The following CRB2 variants were observed in gnomAD, a reference collection of about 807,000 sequenced individuals.
The protein encoded by CRB2 is crumbs cell polarity complex component 2, also known as protein crumbs homolog 2.
CRB2 carries 85 observed loss-of-function variants against 110.9 expected under a neutral mutation model. The observed-to-expected ratio is 0.77, with a 90% CI of 0.64 to 0.92. The LOEUF is 0.92. Among genes scored for constraint, CRB2 ranks in the 40% least tolerant of loss-of-function variants. The pLI, the probability that CRB2 is intolerant of heterozygous loss-of-function variation, is 0.00. For missense variants in CRB2, 1,843 were observed against 1,851.3 expected (o/e 1.00, Z 0.08); for synonymous variants, 907 against 831.0 (o/e 1.09, Z -1.57).
In CRB2 at chr9:123,370,475, G is replaced by T. The variant is rs772240881; in HGVS notation, c.1422G>T (p.Leu474Phe). Residue 474 changes from leucine to phenylalanine, a missense_variant, in exon 7 of 13, where the codon TTG (leucine) becomes TTT (phenylalanine). Physicochemically the swap from Leu to Phe is conservative, Grantham distance 22 (BLOSUM62 0). Transcript: ENST00000373631. ...RFRTTLPAGTLATRNDTKESL... is the reference protein window; with the variant it reads ...RFRTTLPAGTFATRNDTKESL... ...GCACCACACTGCCCGCTGGGACCTTGGCCACTCGCAATGACACCAAGGAAA... is the reference window on the plus strand; with the variant it reads ...GCACCACACTGCCCGCTGGGACCTTTGCCACTCGCAATGACACCAAGGAAA... 3 of 1,613,464 alleles carry T rather than the reference G, an allele frequency of 1.9e-6. No individual in the cohort carries two copies. The Admixed American group carries it at 5.0e-5, about 27-fold the overall frequency.
Position 123,373,490 on chromosome 9 carries a change from C to G in CRB2, c.2959C>G (p.Arg987Gly). ...TGGTGCCGCCACCCCGGTGGCGCTG[C>G]GCGGCCTGGCCAGTGACCTGGGCTT... is the stretch of plus-strand genomic sequence containing the variant. The part of the protein sequence containing the change: ...LDGAATPVAL[R>G]GLASDLGFLQ... The change falls in exon 10 of 13, where the codon CGC becomes GGC. Residue 987 changes from arginine (R) to glycine (G), a missense_variant. Arg to Gly is a moderately radical substitution (Grantham distance 125). Transcript: ENST00000373631. The G allele has an allele frequency of 1.4e-6, 2 of 1,450,990 alleles. No homozygotes were observed. The highest frequency in any genetic ancestry group is 1.8e-6 in the Non-Finnish European group (2 of 1,111,614). 89.9% of individuals were successfully genotyped at this position (1,450,990 alleles called of 1,614,324 possible).
At chr9:123,359,853 AT>A (rs1368679900) in intron 1 of CRB2, among the ~76,000 whole-genome samples, 2 of 152,082 alleles carry the variant, frequency 1.3e-5, no homozygotes, top group Non-Finnish European at 1.5e-5. Flanking sequence ...ACACAGTGGG[AT>A]TACTGACAGC....
intron 11 of CRB2, among the ~76,000 whole-genome samples, 170 bp from the exon 12 acceptor site, chr9:123,375,047 G>A (rs772755327): frequency 3.2e-4 from 49 of 152,180 alleles, no homozygotes; most frequent in African/African-American, 9.2e-4. Context: ...TCTCAGTGAC[G>A]GCTGCTCAGG....
At chr9:123,369,829 A>C (rs994741214) in intron 6 of CRB2, among the ~76,000 whole-genome samples, 8 of 152,124 alleles carry the variant, frequency 5.3e-5, no homozygotes, top group Non-Finnish European at 1.0e-4. Flanking sequence ...TAGCCCAGAC[A>C]GCTGGTAAGG....
Position 123,362,853 on chromosome 9 carries a change from T to C in CRB2, c.95-12T>C. 1 of 1,560,120 alleles carries C rather than the reference T, an allele frequency of 6.4e-7. No individual in the cohort carries two copies. Among genetic ancestry groups the C allele is most frequent in the Non-Finnish European group, 8.7e-7 (1 of 1,146,540 alleles). On this transcript the variant is annotated splice_polypyrimidine_tract_variant and intron_variant, in intron 1 of 12. Transcript: ENST00000373631. ...CTGCCCACCCTGCCCAGCCAGTTTC[T>C]TCTTTCTACAGGGACGGTGCCTTCA...
At chr9:123,362,555 T>C (rs114010427) in intron 1 of CRB2, among the ~76,000 whole-genome samples, 3,918 of 152,250 alleles carry the variant, frequency 0.026, 157 homozygotes, top group African/African-American at 0.089. Context: ...AAAGGGGGAC[T>C]GCAGGGACAA....
intron 1 of CRB2, among the ~76,000 whole-genome samples, chr9:123,360,295 T>C (rs977412044): frequency 2.0e-5 from 3 of 150,850 alleles, no homozygotes; most frequent in Non-Finnish European, 3.0e-5. Context: ...GGGGCGGGCG[T>C]CGGTTAATCC....
At chr9:123,367,484 A>G in intron 5 of CRB2, 89 bp from the exon 6 acceptor site, 3 of 1,161,734 alleles carry the variant, frequency 2.6e-6, no homozygotes, top group Non-Finnish European at 3.5e-6. Context: ...TCTCTCTTGG[A>G]CTCAGTCTCT....
rs1191993012 is a variant in CRB2 at position 123,366,244 on chromosome 9, C to T, written c.632C>T (p.Ala211Val). 2.0e-6 allele frequency: 3 copies of T among 1,477,976 alleles called. No individual in the cohort carries two copies. Among genetic ancestry groups the T allele is most frequent in the South Asian group, 1.3e-5 (1 of 77,218 alleles). The allele number at this position is 1,477,976 out of a possible 1,614,324, so 91.6% of individuals were successfully genotyped here. A position where few individuals can be genotyped will look rare whatever the true frequency, so the allele number is the denominator to read the frequency against. The change falls in exon 4 of 13, where the codon GCG becomes GTG. Residue 211 changes from alanine to valine, a missense_variant. Physicochemically the swap from Ala to Val is moderately conservative, Grantham distance 64. Coordinates refer to ENST00000373631, the MANE Select transcript of CRB2 (RefSeq NM_173689.7). ...CTCCCCAGGTTCCGGTGCGACTGCG[C>T]GGGCACCGGCTACGAGGGCACGCAC... ...DLVNGFRCDC[A>V]GTGYEGTHCE...
chr9:123,369,427 G>A (rs1198634836), intron 6 of CRB2, among the ~76,000 whole-genome samples: 1 of 152,230 alleles, frequency 6.6e-6, no homozygotes, highest in Admixed American at 6.5e-5. Context: ...GGACTGCAGA[G>A]TGACACAGTA....
intron 1 of CRB2, 58 bp from the exon 2 acceptor site, chr9:123,362,807 A>C (rs1035988145): frequency 3.0e-5 from 44 of 1,483,532 alleles, no homozygotes; most frequent in African/African-American, 8.4e-5. Flanking sequence ...GAGGGTGGGG[A>C]GGAGATTGTC....
intron 10 of CRB2, 68 bp from the exon 11 acceptor site, chr9:123,374,511 G>T: frequency 8.6e-7 from 1 of 1,157,130 alleles, no homozygotes; most frequent in Non-Finnish European, 1.3e-6. Context: ...GGTGGCCCAC[G>T]GTCACAGCGC....
At chr9:123,364,604 G>A (rs2041909159) in intron 2 of CRB2, among the ~76,000 whole-genome samples, 1 of 152,190 alleles carries the variant, frequency 6.6e-6, no homozygotes, top group Non-Finnish European at 1.5e-5. Flanking sequence ...GTGGGGCCAT[G>A]TTTTGTGCTC....
chr9:123,355,260 C>T (rs994827168), upstream of CRB2, among the ~76,000 whole-genome samples: 2 of 152,158 alleles, frequency 1.3e-5, no homozygotes, highest in African/African-American at 4.8e-5. Flanking sequence ...GGAGAGCAAG[C>T]AAACATCGAG....
In CRB2 at chr9:123,377,309, G is replaced by A. The variant is rs1011751646; in HGVS notation, c.*247G>A. 2.0e-6 allele frequency: 1 copy of A among 512,632 alleles called. No homozygotes were observed. Among genetic ancestry groups the A allele is most frequent in the Non-Finnish European group, 3.5e-6 (1 of 288,776 alleles). 31.8% of individuals were successfully genotyped at this position (512,632 alleles called of 1,614,324 possible). A position where few individuals can be genotyped will look rare whatever the true frequency, so the allele number is the denominator to read the frequency against. On this transcript the variant is annotated 3_prime_UTR_variant, in exon 13 of 13. Coordinates refer to ENST00000373631, the MANE Select transcript of CRB2 (RefSeq NM_173689.7). Reference sequence around the variant, plus strand: ...GTTCCGCCTTGGCAGGTGTACGGCTGTGCGTGGGAGGGCACACGTGGGTTC... The same window carrying A: ...GTTCCGCCTTGGCAGGTGTACGGCTATGCGTGGGAGGGCACACGTGGGTTC...
chr9:123,373,513 C>T lies in CRB2; in HGVS notation c.2982C>T (p.Gly994=). ...TGCGCGGCCTGGCCAGTGACCTGGG[C>T]TTCCTGCAGGGCCCGGGTGCTGTGC... ...VALRGLASDL[G]FLQGPGAVRI... Residue 994 remains glycine, a synonymous_variant, in exon 10 of 13, where the codon GGC becomes GGT. Coordinates refer to ENST00000373631, the MANE Select transcript of CRB2 (RefSeq NM_173689.7). 2 of 1,473,904 alleles carry T rather than the reference C, an allele frequency of 1.4e-6. No individual in the cohort carries two copies. The highest frequency in any genetic ancestry group is 1.8e-6 in the Non-Finnish European group (2 of 1,120,532). The allele number at this position is 1,473,904 out of a possible 1,614,324, so 91.3% of individuals were successfully genotyped here.
At chr9:123,366,527 G>C (rs1048237287) in intron 4 of CRB2, among the ~76,000 whole-genome samples, 161 bp downstream of exon 4, 25 of 152,242 alleles carry the variant, frequency 1.6e-4, no homozygotes, top group Non-Finnish European at 3.2e-4. Flanking sequence ...TCAGTTTCCT[G>C]ATCTACAAAA....
rs1245676500 is a variant in CRB2, at chr9:123,371,470, C to T, written c.2328C>T (p.His776=). ...AGGACCTGCGACTCGATGGCTGCCACCTCCCCTTCTTTCCTCTGCCACTGG... is the reference window on the plus strand; with the variant it reads ...AGGACCTGCGACTCGATGGCTGCCATCTCCCCTTCTTTCCTCTGCCACTGG... ...CLQDLRLDGC[H]LPFFPLPLDN... Residue 776 remains histidine, a synonymous_variant, in exon 8 of 13, where the codon CAC becomes CAT. Coordinates refer to ENST00000373631, the MANE Select transcript of CRB2 (RefSeq NM_173689.7). 3.1e-6 allele frequency: 5 copies of T among 1,613,230 alleles called. No homozygotes were observed. The highest frequency in any genetic ancestry group is 1.7e-5 in the Admixed American group (1 of 60,022).
At position 123,365,966 on chromosome 9, in the gene CRB2, G is replaced by A. The variant is rs146419635; in HGVS notation, c.468G>A (p.Leu156=). Reference sequence around the variant, plus strand: ...ACGAGTGCGCCTCAGCGCCCTGCCTGCACGGGGGCTCGTGCCTGGACGGCG... The same window carrying A: ...ACGAGTGCGCCTCAGCGCCCTGCCTACACGGGGGCTCGTGCCTGGACGGCG... ...EVDECASAPC[L]HGGSCLDGVG... The change falls in exon 3 of 13, where the codon CTG becomes CTA. Residue 156 remains leucine, a synonymous_variant. Coordinates refer to ENST00000373631, the MANE Select transcript of CRB2 (RefSeq NM_173689.7). The A allele has an allele frequency of 4.5e-4, 711 of 1,597,702 alleles. 5 individuals carry two copies. The African/African-American group carries it at 7.9e-3, about 18-fold the overall frequency.
Sources: gnomAD v4.1 joint callset for allele counts (sites outside exome capture counted in the v4.1 genomes callset) on GRCh38, gnomAD v4.1.1 for gene constraint, MANE v1.5 for transcripts, NCBI Gene and HGNC (gene_info 2026-07-23, HGNC 2026-07-21) for gene names.